Variants in KCNN2 observed in about 807,000 individuals in gnomAD.
The protein encoded by KCNN2 is potassium calcium-activated channel subfamily N member 2, also known as small conductance calcium-activated potassium channel protein 2.
In KCNN2, 24 loss-of-function variants were observed where a neutral mutation model predicts 55.5. The ratio of observed to expected loss-of-function variants is 0.43; its 90% CI spans 0.31 to 0.61. KCNN2 has a LOEUF of 0.61. Ranked by LOEUF, KCNN2 falls within the 20% of genes least tolerant of loss-of-function variation. The pLI is 0.08. For missense variants in KCNN2, 754 were observed against 853.6 expected, an observed-to-expected ratio of 0.88 and a Z score of 1.45; for synonymous variants, 431 against 336.1, an observed-to-expected ratio of 1.28 and a Z score of -3.09.
intron 1 of KCNN2, among the ~76,000 whole-genome samples, chr5:114,081,074 T>TA (rs1296625332): frequency 6.6e-6 from 1 of 151,958 alleles, no homozygotes; most frequent in Non-Finnish European, 1.5e-5. Context: ...TCAAAAAGTA[T>TA]AAAAAAACTT....
intron 2 of KCNN2, among the ~76,000 whole-genome samples, chr5:114,399,190 T>G (rs1196635881): frequency 6.6e-6 from 1 of 152,164 alleles, no homozygotes; most frequent in Non-Finnish European, 1.5e-5. Context: ...TGTCATAGAT[T>G]GCTCTTATTA....
At chr5:114,168,513 A>G (rs1752965265) in intron 1 of KCNN2, among the ~76,000 whole-genome samples, 1 of 152,136 alleles carries the variant, frequency 6.6e-6, no homozygotes, top group South Asian at 2.1e-4. Flanking sequence ...GGCATTAGTT[A>G]TGTCAGCTTG....
intron 6 of KCNN2, among the ~76,000 whole-genome samples, chr5:114,490,001 C>G (rs1404216190): frequency 6.6e-6 from 1 of 152,192 alleles, no homozygotes; most frequent in African/African-American, 2.4e-5. Flanking sequence ...AACTTCATAG[C>G]CTCTCTACTC....
chr5:114,292,192 T>A (rs957635073), intron 2 of KCNN2, among the ~76,000 whole-genome samples: 4 of 152,222 alleles, frequency 2.6e-5, no homozygotes, highest in Non-Finnish European at 5.9e-5. Flanking sequence ...GCTCTTTAGT[T>A]TAATTAGATC....
intron 1 of KCNN2, among the ~76,000 whole-genome samples, chr5:114,161,822 G>T (rs188501934): frequency 6.4e-4 from 97 of 152,248 alleles, no homozygotes; most frequent in African/African-American, 2.3e-3. Flanking sequence ...CATTCGTCAC[G>T]TGGTTCTCAT....
At chr5:114,189,172 A>G (rs1753399873) in intron 1 of KCNN2, among the ~76,000 whole-genome samples, 1 of 137,564 alleles carries the variant, frequency 7.3e-6, no homozygotes, top group Non-Finnish European at 1.6e-5. Flanking sequence ...GTGTGTGTGT[A>G]AAGATTTATT....
At chr5:114,291,914 T>A (rs1755897765) in intron 2 of KCNN2, among the ~76,000 whole-genome samples, 2 of 152,156 alleles carry the variant, frequency 1.3e-5, no homozygotes, top group Admixed American at 1.3e-4. Flanking sequence ...CTCATTGTGG[T>A]TTTGATTTGC....
intron 3 of KCNN2, among the ~76,000 whole-genome samples, chr5:114,456,058 A>G (rs775783410): frequency 6.6e-6 from 1 of 152,232 alleles, no homozygotes; most frequent in South Asian, 2.1e-4. Context: ...AGGTGGCTAC[A>G]ATAAACAATA....
chr5:114,196,848 G>C (rs985068682), intron 1 of KCNN2, among the ~76,000 whole-genome samples: 1 of 151,426 alleles, frequency 6.6e-6, no homozygotes, highest in African/African-American at 2.4e-5. Flanking sequence ...ATTTATTTCT[G>C]TTGTATTCTG....
chr5:114,228,595 G>C (rs144178079), intron 2 of KCNN2, among the ~76,000 whole-genome samples: 1 of 152,168 alleles, frequency 6.6e-6, no homozygotes, highest in Non-Finnish European at 1.5e-5. Flanking sequence ...AACTAAAATT[G>C]TGCCTGAAAT....
In KCNN2 at chr5:114,378,611, A is replaced by G. The variant is rs1230804231; in HGVS notation, c.1218+14610A>G. 2.0e-5 allele frequency among the ~76,000 whole-genome samples: 3 copies of G among 152,276 alleles called. No individual in the cohort carries two copies. The East Asian group carries it at 5.8e-4, about 29-fold the overall frequency. ...TTGTGTGTTGAATTAGGTTTACATC[A>G]TCACATGCAAGTGAAATGGCTGTAG... On this transcript the variant is annotated intron_variant, in intron 2 of 7. Transcript: ENST00000673685.
At chr5:114,164,412 C>T (rs1752863225) in intron 1 of KCNN2, among the ~76,000 whole-genome samples, 1 of 151,944 alleles carries the variant, frequency 6.6e-6, no homozygotes, top group South Asian at 2.1e-4. Flanking sequence ...GTAGTCATTC[C>T]CATAAAAAAT....
chr5:114,220,594 T>G (rs1305205736), intron 1 of KCNN2, among the ~76,000 whole-genome samples: 1 of 152,132 alleles, frequency 6.6e-6, no homozygotes, highest in African/African-American at 2.4e-5. Context: ...CAAATGAGAC[T>G]TAATACGAGG....
chr5:114,463,217 T>G, intron 4 of KCNN2, 27 bp downstream of exon 4: 1 of 1,588,520 alleles, frequency 6.3e-7, no homozygotes, highest in Admixed American at 1.8e-5. Flanking sequence ...TTCACATCTC[T>G]TTTATTTACG....
intron 5 of KCNN2, among the ~76,000 whole-genome samples, chr5:114,483,872 G>A (rs1762339352): frequency 6.6e-6 from 1 of 152,054 alleles, no homozygotes. Context: ...CCTACTAAAT[G>A]TTTGATGGAC....
chr5:114,213,095 T>C (rs1347657653), intron 1 of KCNN2, among the ~76,000 whole-genome samples: 1 of 151,978 alleles, frequency 6.6e-6, no homozygotes, highest in Non-Finnish European at 1.5e-5. Flanking sequence ...GGAAAATTGA[T>C]CAAAGTTTTG....
At chr5:114,388,257 A>G (rs1388718177) in intron 2 of KCNN2, among the ~76,000 whole-genome samples, 1 of 151,670 alleles carries the variant, frequency 6.6e-6, no homozygotes, top group Non-Finnish European at 1.5e-5. Flanking sequence ...TTCTTTCCTT[A>G]TTTTGGGTGA....
At chr5:114,218,374 T>A (rs948076533) in intron 1 of KCNN2, among the ~76,000 whole-genome samples, 16 of 152,162 alleles carry the variant, frequency 1.1e-4, no homozygotes, top group Non-Finnish European at 2.9e-5. Context: ...AAATAAACTA[T>A]GGTATATCCA....
intron 1 of KCNN2, among the ~76,000 whole-genome samples, chr5:114,093,219 CTT>C (rs1029511381): frequency 2.6e-5 from 4 of 152,230 alleles, no homozygotes; most frequent in Non-Finnish European, 5.9e-5. Flanking sequence ...CCACCAGTCT[CTT>C]TACTAAAGCA....
Sources: gnomAD v4.1 joint callset for allele counts (sites outside exome capture counted in the v4.1 genomes callset) on GRCh38, gnomAD v4.1.1 for gene constraint, MANE v1.5 for transcripts, NCBI Gene and HGNC (gene_info 2026-07-23, HGNC 2026-07-21) for gene names.